IGF2BP3: variants seen among roughly 807,000 people sequenced by gnomAD.
IGF2BP3 encodes insulin like growth factor 2 mRNA binding protein 3, also known as insulin-like growth factor 2 mRNA-binding protein 3.
In IGF2BP3, 9 loss-of-function variants were observed where a neutral mutation model predicts 73.8. The ratio of observed to expected loss-of-function variants is 0.12; its 90% CI spans 0.07 to 0.21. IGF2BP3 has a LOEUF of 0.21. Among genes scored for constraint, IGF2BP3 ranks in the 10% least tolerant of loss-of-function variants. The pLI, the probability that IGF2BP3 is intolerant of heterozygous loss-of-function variation, is 1.00. For missense variants in IGF2BP3, 542 were observed against 714.0 expected (o/e 0.76, Z 2.75); for synonymous variants, 258 against 256.7 (o/e 1.01, Z -0.05).
chr7:23,366,545 CA>C (rs1785376821), intron 3 of IGF2BP3, among the ~76,000 whole-genome samples: 1 of 113,800 alleles, frequency 8.8e-6, no homozygotes, highest in Admixed American at 9.1e-5. Flanking sequence ...GGCTTTAAAA[CA>C]AAGTAAAAAA....
At chr7:23,382,675 C>G (rs1396864067) in intron 3 of IGF2BP3, among the ~76,000 whole-genome samples, 1 of 151,794 alleles carries the variant, frequency 6.6e-6, no homozygotes, top group Non-Finnish European at 1.5e-5. Flanking sequence ...ATGGCCTTGC[C>G]CATTAGTGAC....
chr7:23,349,611 A>C (rs1784910501), intron 6 of IGF2BP3, among the ~76,000 whole-genome samples: 1 of 152,182 alleles, frequency 6.6e-6, no homozygotes, highest in Non-Finnish European at 1.5e-5. Context: ...TGGAGATTAG[A>C]ATGGCCCTCT....
chr7:23,427,570 A>C (rs1217787235), intron 2 of IGF2BP3, among the ~76,000 whole-genome samples: 1 of 152,164 alleles, frequency 6.6e-6, no homozygotes, highest in Non-Finnish European at 1.5e-5. Flanking sequence ...TCTACAAAAA[A>C]ATTAAAAACT....
chr7:23,335,309 G>T (rs1014030646), intron 10 of IGF2BP3, among the ~76,000 whole-genome samples: 1 of 150,936 alleles, frequency 6.6e-6, no homozygotes, highest in South Asian at 2.1e-4. Context: ...TTTGGACAAG[G>T]TCTCACTCTG....
At chr7:23,410,792 A>G (rs1786993326) in intron 3 of IGF2BP3, among the ~76,000 whole-genome samples, 1 of 152,226 alleles carries the variant, frequency 6.6e-6, no homozygotes. Flanking sequence ...CATAATAACT[A>G]GAAGAAACAG....
chr7:23,368,294 C>T (rs138672724), intron 3 of IGF2BP3, among the ~76,000 whole-genome samples: 17 of 120,720 alleles, frequency 1.4e-4, no homozygotes, highest in Admixed American at 5.1e-4. Context: ...GTTAGTATAG[C>T]GAAGACAGAA....
chr7:23,468,575 G>T, intron 1 of IGF2BP3, 33 bp from the exon 2 acceptor site: 1 of 1,608,140 alleles, frequency 6.2e-7, no homozygotes, highest in Non-Finnish European at 8.5e-7. Context: ...ACGGTCGGCC[G>T]AGTTCAGCGG....
chr7:23,331,441 G>T (rs997514182), intron 10 of IGF2BP3, among the ~76,000 whole-genome samples: 1 of 152,298 alleles, frequency 6.6e-6, no homozygotes, highest in Non-Finnish European at 1.5e-5. Flanking sequence ...TAAAGGAATT[G>T]AAACTTTTAA....
At chr7:23,335,645 A>G (rs559666690) in intron 10 of IGF2BP3, among the ~76,000 whole-genome samples, 71 of 152,256 alleles carry the variant, frequency 4.7e-4, no homozygotes, top group African/African-American at 1.6e-3. Flanking sequence ...CATAAGCAGA[A>G]AGCTAGCCAT....
chr7:23,405,742 C>T (rs1181299627), intron 3 of IGF2BP3, among the ~76,000 whole-genome samples: 5 of 152,258 alleles, frequency 3.3e-5, no homozygotes, highest in African/African-American at 7.2e-5. Context: ...GTTTCTATCC[C>T]GAAACCACTC....
At chr7:23,416,522 A>G (rs1584018628) in intron 3 of IGF2BP3, among the ~76,000 whole-genome samples, 1 of 152,308 alleles carries the variant, frequency 6.6e-6, no homozygotes, top group East Asian at 1.9e-4. Flanking sequence ...TTAGATTAAG[A>G]CTGAAGCCAG....
chr7:23,452,387 T>A (rs1788222130), intron 2 of IGF2BP3, among the ~76,000 whole-genome samples: 1 of 152,218 alleles, frequency 6.6e-6, no homozygotes, highest in Non-Finnish European at 1.5e-5. Context: ...AACACATGTC[T>A]TTTTGCCAAG....
chr7:23,356,650 T>C (rs761898842), intron 5 of IGF2BP3, among the ~76,000 whole-genome samples: 8 of 152,286 alleles, frequency 5.3e-5, no homozygotes, highest in Non-Finnish European at 7.3e-5. Context: ...TAATACAGGG[T>C]CCTCACAAAA....
intron 3 of IGF2BP3, among the ~76,000 whole-genome samples, chr7:23,408,249 G>C (rs1786908870): frequency 6.6e-6 from 1 of 151,956 alleles, no homozygotes; most frequent in Admixed American, 6.6e-5. Flanking sequence ...AGCAATAAAA[G>C]AAAAGGCATA....
At chr7:23,437,185 A>G (rs1454473323) in intron 2 of IGF2BP3, among the ~76,000 whole-genome samples, 1 of 152,000 alleles carries the variant, frequency 6.6e-6, no homozygotes, top group African/African-American at 2.4e-5. Flanking sequence ...CTTAATGTAT[A>G]TTAATAAAAT....
chr7:23,442,492 G>A (rs1787959994), intron 2 of IGF2BP3, among the ~76,000 whole-genome samples: 2 of 152,060 alleles, frequency 1.3e-5, no homozygotes, highest in Admixed American at 1.3e-4. Flanking sequence ...CCGTCGCCCG[G>A]GTTCAAGCAA....
chr7:23,344,383 G>C (rs974668477), intron 8 of IGF2BP3, among the ~76,000 whole-genome samples: 1 of 152,180 alleles, frequency 6.6e-6, no homozygotes, highest in Non-Finnish European at 1.5e-5. Context: ...TCTAAACTTA[G>C]TTTTTACCAG....
intron 2 of IGF2BP3, among the ~76,000 whole-genome samples, chr7:23,426,449 T>C (rs1787514829): frequency 6.6e-6 from 1 of 152,192 alleles, no homozygotes; most frequent in South Asian, 2.1e-4. Context: ...AAAATATCTT[T>C]CTTAACAACT....
intron 3 of IGF2BP3, among the ~76,000 whole-genome samples, chr7:23,418,020 A>T (rs1013881313): frequency 1.3e-5 from 2 of 152,206 alleles, no homozygotes; most frequent in African/African-American, 2.4e-5. Context: ...CCTTTTAACC[A>T]AACTTTGCAT....
Sources: allele counts gnomAD v4.1 joint callset (sites outside exome capture counted in the v4.1 genomes callset), GRCh38; gene constraint gnomAD v4.1.1; transcripts MANE v1.5; gene names NCBI Gene and HGNC (gene_info 2026-07-23, HGNC 2026-07-21).